Variants in ZFC3H1 observed in about 807,000 individuals in gnomAD.
The protein encoded by ZFC3H1 is zinc finger C3H1-type containing, also known as zinc finger C3H1 domain-containing protein.
A neutral mutation model predicts 243.7 loss-of-function variants in ZFC3H1; 71 were observed. That is an observed-to-expected ratio of 0.29 (90% CI 0.24 to 0.36). ZFC3H1 has a LOEUF of 0.36. Among genes scored for constraint, ZFC3H1 ranks in the 10% least tolerant of loss-of-function variants. ZFC3H1 has a pLI of 1.00. For synonymous variants in ZFC3H1, 838 were observed against 813.0 expected (o/e 1.03, Z -0.52); for missense variants, 1,966 against 2,317.1 (o/e 0.85, Z 3.11).
chr12:71,627,617 T>G (rs1880202370), intron 21 of ZFC3H1, 134 bp downstream of exon 21: 1 of 803,940 alleles, frequency 1.2e-6, no homozygotes, highest in Non-Finnish European at 1.9e-6. Context: ...AATAAAATGC[T>G]TTTGGCTTTG....
intron 30 of ZFC3H1, 49 bp downstream of exon 30, chr12:71,614,486 T>C (rs755631449): frequency 1.3e-6 from 2 of 1,494,854 alleles, no homozygotes; most frequent in African/African-American, 2.8e-5. Flanking sequence ...ATTTTTAAAG[T>C]CTCTTTGTTT....
At chr12:71,623,960 T>A in intron 23 of ZFC3H1, 144 bp downstream of exon 23, 1 of 794,126 alleles carries the variant, frequency 1.3e-6, no homozygotes, top group Non-Finnish European at 2.0e-6. Flanking sequence ...TTACCCAATG[T>A]CACATGACTT....
chr12:71,639,979 T>G (rs916845199), intron 6 of ZFC3H1, among the ~76,000 whole-genome samples: 15 of 152,120 alleles, frequency 9.9e-5, no homozygotes, highest in Non-Finnish European at 1.3e-4. Flanking sequence ...CAGGCTAGAG[T>G]GCAGTTTTAT....
chr12:71,625,247 T>G lies in ZFC3H1; in HGVS notation c.4318-955A>C, dbSNP rs1427156638. 2.0e-5 allele frequency among the ~76,000 whole-genome samples: 3 copies of G among 152,176 alleles called. No individual in the cohort carries two copies. The South Asian group carries it at 6.2e-4, about 32-fold the overall frequency. ...AAATCTATTTGGTTCACAACTTCAG[T>G]TGGTAAGTAAATGACAGATTTGACA... On this transcript the variant is annotated intron_variant, in intron 22 of 34. Transcript: ENST00000378743.
chr12:71,642,275 G>T (rs1880619465), intron 6 of ZFC3H1, among the ~76,000 whole-genome samples, 161 bp downstream of exon 6: 1 of 152,194 alleles, frequency 6.6e-6, no homozygotes, highest in Non-Finnish European at 1.5e-5. Flanking sequence ...TTTGAGGTTT[G>T]CTCTCTAAGT....
At chr12:71,616,458 A>G (rs905821838) in intron 27 of ZFC3H1, among the ~76,000 whole-genome samples, 7 of 152,210 alleles carry the variant, frequency 4.6e-5, no homozygotes, top group Non-Finnish European at 1.0e-4. Context: ...ATGATCAAAT[A>G]AGGTTGGGAA....
At chr12:71,646,137 T>C (rs1424604215) in intron 3 of ZFC3H1, among the ~76,000 whole-genome samples, 1 of 152,240 alleles carries the variant, frequency 6.6e-6, no homozygotes, top group Non-Finnish European at 1.5e-5. Flanking sequence ...TAACTAATGA[T>C]TTCACCTGAA....
At chr12:71,645,762 T>C (rs1273054594) in intron 3 of ZFC3H1, among the ~76,000 whole-genome samples, 1 of 152,218 alleles carries the variant, frequency 6.6e-6, no homozygotes, top group Non-Finnish European at 1.5e-5. Context: ...TGAGAACTTT[T>C]TTCCAATTGA....
intron 5 of ZFC3H1, 112 bp from the exon 6 acceptor site, chr12:71,642,671 A>C: frequency 8.0e-7 from 1 of 1,248,296 alleles, no homozygotes. Context: ...ATGGTGATTC[A>C]GTTAGATGTG....
chr12:71,647,910 G>C, intron 2 of ZFC3H1, 97 bp from the exon 3 acceptor site: 1 of 462,030 alleles, frequency 2.2e-6, no homozygotes, highest in Non-Finnish European at 3.7e-6. Flanking sequence ...TTTTAAAAGA[G>C]ATCATTAAAG....
Position 71,656,935 on chromosome 12 carries a change from T to G in ZFC3H1, c.965A>C (p.Asp322Ala). 6.2e-7 allele frequency: 1 copy of G among 1,613,838 alleles called. No individual in the cohort carries two copies. Among genetic ancestry groups the G allele is most frequent in the Non-Finnish European group, 8.5e-7 (1 of 1,179,882 alleles). ...TTTCAGGGAAAGTGGTTTTGCTCCA[T>G]CTTTAACTTTTTTCAAACGGTTCTT... ...GDKNRLKKVKDGAKPLSLKSD... is the reference protein window; with the variant it reads ...GDKNRLKKVKAGAKPLSLKSD... Residue 322 changes from aspartate to alanine, a missense_variant, in exon 2 of 35, where the codon GAT becomes GCT. Asp to Ala is a moderately radical substitution (Grantham distance 126). Transcript: ENST00000378743.
intron 12 of ZFC3H1, 144 bp downstream of exon 12, chr12:71,634,011 C>T: frequency 2.3e-6 from 2 of 853,836 alleles, no homozygotes; most frequent in Non-Finnish European, 3.5e-6. Context: ...TAGTGTCATT[C>T]AACAAAATGA....
At chr12:71,621,010 T>A (rs912948664) in intron 24 of ZFC3H1, among the ~76,000 whole-genome samples, 1 of 152,228 alleles carries the variant, frequency 6.6e-6, no homozygotes, top group East Asian at 1.9e-4. Context: ...TTATTTAACA[T>A]TTGACAGTGT....
Position 71,627,911 on chromosome 12 carries a change from T to C in ZFC3H1, c.3970A>G (p.Asn1324Asp). Residue 1324 changes from asparagine to aspartate, a missense_variant, in exon 21 of 35, where the codon AAT (asparagine) becomes GAT (aspartate). Coordinates refer to ENST00000378743, the MANE Select transcript of ZFC3H1 (RefSeq NM_144982.5). ...KYAFQPENQINVPALDTVVTP... is the reference protein window; with the variant it reads ...KYAFQPENQIDVPALDTVVTP... The stretch of plus-strand genomic sequence containing the variant: ...ACAACTGTATCCAGAGCTGGAACAT[T>C]TATTTGGTTCTCTGGCTGGAAAGCT... 6.2e-7 allele frequency: 1 copy of C among 1,612,688 alleles called. No homozygotes were observed. The highest frequency in any genetic ancestry group is 1.1e-5 in the South Asian group (1 of 90,546).
Position 71,619,979 on chromosome 12 carries a change from T to G in ZFC3H1, c.4996A>C (p.Asn1666His). 1 of 1,605,514 alleles carries G rather than the reference T, an allele frequency of 6.2e-7. No homozygotes were observed. Among genetic ancestry groups the G allele is most frequent in the Non-Finnish European group, 8.5e-7 (1 of 1,174,330 alleles). ...TAAAAAACCTCTGCATTCTGAGGAT[T>G]TTTTTCAAATGCAGTAAGCCACACT... is the stretch of plus-strand genomic sequence containing the variant. Reference protein sequence around the residue: ...RAVWLTAFEKNPQNAEVFYHM... With the variant: ...RAVWLTAFEKHPQNAEVFYHM... Residue 1666 changes from asparagine to histidine, a missense_variant, in exon 26 of 35, where the codon AAT (asparagine) becomes CAT (histidine). Around this residue, in one of 4 missense-constraint regions of ZFC3H1, gnomAD observed 1,383 missense variants for 1,723.7 expected, o/e 0.80. Transcript: ENST00000378743.
intron 22 of ZFC3H1, 139 bp downstream of exon 22, chr12:71,626,120 AC>A: frequency 1.2e-6 from 1 of 809,188 alleles, no homozygotes; most frequent in South Asian, 4.2e-5. Flanking sequence ...GTTACTAGAA[AC>A]TGAAAGTAAG....
chr12:71,630,979 ATAT>A, intron 16 of ZFC3H1, 25 bp from the exon 17 acceptor site: 3 of 1,541,430 alleles, frequency 1.9e-6, no homozygotes, highest in Non-Finnish European at 2.6e-6. Context: ...GTGAACAGGT[ATAT>A]TATGCCCAAC....
At chr12:71,655,082 A>C (rs1880983945) in intron 2 of ZFC3H1, among the ~76,000 whole-genome samples, 1 of 152,178 alleles carries the variant, frequency 6.6e-6, no homozygotes, top group African/African-American at 2.4e-5. Flanking sequence ...AAAAAAGTGA[A>C]CAACACAAAA....
At chr12:71,660,331 T>A (rs1388206602) in intron 1 of ZFC3H1, 1 of 152,134 alleles carries the variant, frequency 6.6e-6, no homozygotes, top group Non-Finnish European at 1.5e-5. Context: ...CTTCTCAAAT[T>A]CTTAAAAAGA....
Sources: gnomAD v4.1 joint callset for allele counts (sites outside exome capture counted in the v4.1 genomes callset) on GRCh38, gnomAD v4.1.1 for gene constraint, gnomAD v4.1.1 regional missense constraint, MANE v1.5 for transcripts, NCBI Gene and HGNC (gene_info 2026-07-23, HGNC 2026-07-21) for gene names.